The following PTPRN2 variants were observed in gnomAD, a reference collection of about 807,000 sequenced individuals.
PTPRN2 encodes the protein protein tyrosine phosphatase receptor type N2.
PTPRN2 carries 74 observed loss-of-function variants against 118.8 expected under a neutral mutation model. The observed-to-expected ratio is 0.62, with a 90% CI of 0.52 to 0.76. PTPRN2 has a LOEUF of 0.76. PTPRN2 is among the 30% of genes least tolerant of loss of function. The probability of loss-of-function intolerance (pLI) is 0.00; values close to 1 mark genes in which losing one functional copy is unlikely to be tolerated. For synonymous variants in PTPRN2, 641 were observed against 608.0 expected, an observed-to-expected ratio of 1.05 and a Z score of -0.80; for missense variants, 1,481 against 1,394.4, an observed-to-expected ratio of 1.06 and a Z score of -0.99.
In PTPRN2 at chr7:157,784,974, G is replaced by A. The variant is rs59144838; in HGVS notation, c.1789-102037C>T. 0.11 allele frequency among the ~76,000 whole-genome samples: 16,628 copies of A among 152,162 alleles called. 964 individuals are homozygous for A. The highest frequency in any genetic ancestry group is 0.14 in the Middle Eastern group (40 of 294). On this transcript the variant is annotated intron_variant, in intron 12 of 22. Transcript: ENST00000389418. This position sits in a 1 kb window ranked among gnomAD's most constrained non-coding sequence, Gnocchi z 4.6. ...GGGGCTGGAGAGGAGAGCAGAGGGA[G>A]CCGAGGCCCTCTGTCCAGGCGGCTG...
At chr7:158,520,542 G>C (rs1482632558) in intron 1 of PTPRN2, among the ~76,000 whole-genome samples, 1 of 152,192 alleles carries the variant, frequency 6.6e-6, no homozygotes, top group Non-Finnish European at 1.5e-5. Context: ...ACACTCCCCA[G>C]AGCAGGATCT....
intron 12 of PTPRN2, among the ~76,000 whole-genome samples, chr7:157,745,451 G>GCGGGAGGCAGGT (rs1800867837): frequency 2.0e-5 from 3 of 151,638 alleles, no homozygotes; most frequent in African/African-American, 7.3e-5. Flanking sequence ...AGGACAGGCT[G>GCGGGAGGCAGGT]TGGGAGGCAG....
intron 14 of PTPRN2, among the ~76,000 whole-genome samples, chr7:157,652,331 C>T (rs568174639): frequency 2.0e-5 from 3 of 152,332 alleles, no homozygotes; most frequent in South Asian, 2.1e-4. Flanking sequence ...GATGCTCACC[C>T]GGTTTTACCC....
chr7:158,510,256 T>C (rs11977712), intron 1 of PTPRN2, among the ~76,000 whole-genome samples: 38,916 of 152,194 alleles, frequency 0.26, 5,295 homozygotes, highest in East Asian at 0.39. Flanking sequence ...CCTCTTGGGT[T>C]CTGGGGGAGC....
intron 11 of PTPRN2, among the ~76,000 whole-genome samples, chr7:158,024,587 G>C (rs932513366): frequency 6.6e-6 from 1 of 152,246 alleles, no homozygotes; most frequent in Non-Finnish European, 1.5e-5. Flanking sequence ...TAAGCCAGGA[G>C]TGCATCCTAG....
At chr7:157,937,243 G>A (rs935498599) in intron 11 of PTPRN2, among the ~76,000 whole-genome samples, 1 of 152,140 alleles carries the variant, frequency 6.6e-6, no homozygotes, top group African/African-American at 2.4e-5. Flanking sequence ...GGCACACATA[G>A]GTGAGTAAAG....
rs1000966891 is a variant in PTPRN2 at position 158,023,749 on chromosome 7, C to A, written c.1723+57549G>T. ...GTTTGTCATCTCCTCCTTACCCTTG[C>A]CCTCATCAAGCCACTCAGTCATGTC... On this transcript the variant is annotated intron_variant, in intron 11 of 22. Transcript: ENST00000389418. Among the ~76,000 whole-genome samples, 4 of 152,200 alleles carry A rather than the reference C, an allele frequency of 2.6e-5. No homozygotes were observed. The East Asian group carries it at 7.7e-4, about 29-fold the overall frequency.
intron 11 of PTPRN2, among the ~76,000 whole-genome samples, chr7:157,989,552 G>T (rs1220557264): frequency 2.6e-5 from 4 of 151,850 alleles, no homozygotes; most frequent in Non-Finnish European, 5.9e-5. Context: ...AGGGACGAGG[G>T]CTGCTGTAGC....
intron 1 of PTPRN2, 23 bp downstream of exon 1, chr7:158,587,535 C>G: frequency 8.0e-7 from 1 of 1,256,002 alleles, no homozygotes; most frequent in Non-Finnish European, 1.0e-6. Context: ...TGAGGCGCCC[C>G]TCCCCCGGCG....
chr7:157,571,741 T>C (rs1379644231), intron 19 of PTPRN2, among the ~76,000 whole-genome samples: 1 of 152,202 alleles, frequency 6.6e-6, no homozygotes, highest in Non-Finnish European at 1.5e-5. Context: ...CAAGGAGGGG[T>C]GCCAGGCTTT....
At chr7:158,065,540 G>A (rs1046344012) in intron 11 of PTPRN2, among the ~76,000 whole-genome samples, 3 of 152,046 alleles carry the variant, frequency 2.0e-5, no homozygotes, top group African/African-American at 7.2e-5. Context: ...GCTGCGGCCA[G>A]AAAGACAGTG....
At chr7:157,715,732 A>T (rs2952635) in intron 12 of PTPRN2, among the ~76,000 whole-genome samples, 4 of 152,188 alleles carry the variant, frequency 2.6e-5, no homozygotes, top group African/African-American at 9.7e-5. Flanking sequence ...TCCAAGCAGC[A>T]CATCGTGGAG....
chr7:157,571,638 G>C, intron 19 of PTPRN2, 145 bp from the exon 20 acceptor site: 1 of 602,364 alleles, frequency 1.7e-6, no homozygotes. Flanking sequence ...AAAATCATAC[G>C]CATAATATCA....
At chr7:157,886,943 G>A (rs1392018837) in intron 12 of PTPRN2, among the ~76,000 whole-genome samples, 3 of 151,946 alleles carry the variant, frequency 2.0e-5, no homozygotes, top group Non-Finnish European at 4.4e-5. Context: ...TGGGGCCATC[G>A]AGGTCCTCGT....
At chr7:158,479,952 C>T (rs1820542700) in intron 2 of PTPRN2, among the ~76,000 whole-genome samples, 1 of 152,256 alleles carries the variant, frequency 6.6e-6, no homozygotes, top group African/African-American at 2.4e-5. Context: ...CATGCAACAA[C>T]TGAGCCACTG....
At chr7:157,753,407 C>T (rs913570779) in intron 12 of PTPRN2, among the ~76,000 whole-genome samples, 6 of 152,164 alleles carry the variant, frequency 3.9e-5, no homozygotes, top group Admixed American at 3.3e-4. Flanking sequence ...TCCTGCCAGC[C>T]TCCTGTGCTA....
chr7:157,806,431 T>C (rs1056915620), intron 12 of PTPRN2, among the ~76,000 whole-genome samples: 1 of 152,338 alleles, frequency 6.6e-6, no homozygotes, highest in African/African-American at 2.4e-5. Flanking sequence ...TCTGTATATA[T>C]GTATATGTGT....
At chr7:158,257,581 C>G (rs78264396) in intron 3 of PTPRN2, among the ~76,000 whole-genome samples, 2 of 152,348 alleles carry the variant, frequency 1.3e-5, no homozygotes, top group East Asian at 1.9e-4. Context: ...CCCGAGCCCC[C>G]AGTTGGGTGA....
At chr7:158,351,437 C>A (rs1807925849) in intron 2 of PTPRN2, among the ~76,000 whole-genome samples, 1 of 152,226 alleles carries the variant, frequency 6.6e-6, no homozygotes, top group South Asian at 2.1e-4. Context: ...GACTCGTACA[C>A]TGTACCTGCT....
Sources: gnomAD v4.1 joint callset for allele counts (sites outside exome capture counted in the v4.1 genomes callset) on GRCh38, gnomAD v4.1.1 for gene constraint, Gnocchi (gnomAD v3.1) non-coding constraint, MANE v1.5 for transcripts, NCBI Gene and HGNC (gene_info 2026-07-23, HGNC 2026-07-21) for gene names.